KIF2A: variants seen among roughly 807,000 people sequenced by gnomAD.
The protein encoded by KIF2A is kinesin family member 2A.
A neutral mutation model predicts 100.2 loss-of-function variants in KIF2A; 22 were observed. That is an observed-to-expected ratio of 0.22 (90% CI 0.16 to 0.31). KIF2A has a LOEUF of 0.31. Ranked by LOEUF, KIF2A falls within the 10% of genes least tolerant of loss-of-function variation. The pLI is 1.00. For missense variants in KIF2A, 495 were observed against 898.7 expected (o/e 0.55, Z 5.74); for synonymous variants, 268 against 285.9 (o/e 0.94, Z 0.63).
intron 20 of KIF2A, among the ~76,000 whole-genome samples, chr5:62,382,436 G>T (rs1413923827): frequency 1.3e-5 from 2 of 152,022 alleles, no homozygotes; most frequent in East Asian, 3.9e-4. Flanking sequence ...GTGAGATCCT[G>T]TCTCAAAAAA....
Position 62,348,145 on chromosome 5 carries a change from C to A in KIF2A, c.257C>A (p.Ala86Asp). Residue 86 changes from alanine (A) to aspartate (D), a missense_variant, in exon 3 of 21, where the codon GCC becomes GAC. Ala to Asp is a moderately radical substitution (Grantham distance 126). This residue lies in a region of KIF2A where 115 missense variants were observed against 143.6 expected (regional missense o/e 0.80). Coordinates refer to ENST00000407818, the MANE Select transcript of KIF2A (RefSeq NM_001098511.3). ...ACACCTCCACCTCCAGCATCCTCAG[C>A]CAAAGTAAACAAAATTGTAAAGGTT... The part of the protein sequence containing the change: ...PETPPPPASS[A>D]KVNKIVKNRR... 1 of 1,613,616 alleles carries A rather than the reference C, an allele frequency of 6.2e-7. No homozygotes were observed. Among genetic ancestry groups the A allele is most frequent in the Non-Finnish European group, 8.5e-7 (1 of 1,179,752 alleles).
chr5:62,376,685 G>C (rs1741565477), intron 18 of KIF2A, among the ~76,000 whole-genome samples: 1 of 151,812 alleles, frequency 6.6e-6, no homozygotes, highest in Admixed American at 6.6e-5. Flanking sequence ...CCTCCCAGAG[G>C]GCTAGGATTA....
chr5:62,384,824 T>G (rs1741941978), intron 20 of KIF2A, among the ~76,000 whole-genome samples: 1 of 152,050 alleles, frequency 6.6e-6, no homozygotes, highest in Non-Finnish European at 1.5e-5. Flanking sequence ...CAAATATATT[T>G]TACATGTTCA....
intron 1 of KIF2A, chr5:62,308,182 A>G (rs550014211): frequency 5.1e-6 from 2 of 393,766 alleles, no homozygotes; most frequent in African/African-American, 2.0e-5. Flanking sequence ...TATACCGCTT[A>G]GAGCTTTAGA....
At chr5:62,327,460 G>C (rs758148314) in intron 1 of KIF2A, among the ~76,000 whole-genome samples, 80 of 152,210 alleles carry the variant, frequency 5.3e-4, no homozygotes, top group Non-Finnish European at 9.6e-4. Flanking sequence ...TATCACCTCT[G>C]CTGAGAATGC....
Position 62,386,819 on chromosome 5 carries a change from T to C in KIF2A, c.*1250T>C, listed in dbSNP as rs1237260060. On this transcript the variant is annotated 3_prime_UTR_variant, in exon 21 of 21. Coordinates refer to ENST00000407818, the MANE Select transcript of KIF2A (RefSeq NM_001098511.3). The stretch of plus-strand genomic sequence containing the variant: ...AAACAGCAGCACTTATTTTTACAGA[T>C]TGCTACTCCAAGGAAGAAAACTGGC... 6.6e-6 allele frequency among the ~76,000 whole-genome samples: 1 copy of C among 152,196 alleles called. No individual in the cohort carries two copies. The highest frequency in any genetic ancestry group is 2.4e-5 in the African/African-American group (1 of 41,456).
chr5:62,376,827 A>G (rs1213128803), intron 18 of KIF2A, among the ~76,000 whole-genome samples: 3 of 152,072 alleles, frequency 2.0e-5, no homozygotes, highest in Non-Finnish European at 4.4e-5. Context: ...GAAAATATGA[A>G]TATATTGTAT....
intron 6 of KIF2A, among the ~76,000 whole-genome samples, chr5:62,354,318 G>C (rs761061258): frequency 3.5e-4 from 53 of 152,050 alleles, no homozygotes; most frequent in Non-Finnish European, 1.3e-4. Context: ...TTCACAGTCT[G>C]CTTCTCAGTT....
intron 1 of KIF2A, among the ~76,000 whole-genome samples, chr5:62,310,213 C>T (rs760500252): frequency 3.3e-5 from 5 of 151,786 alleles, no homozygotes; most frequent in Non-Finnish European, 7.4e-5. Flanking sequence ...GCCACCATGC[C>T]CGGCTAATTT....
chr5:62,372,611 G>C lies in KIF2A; in HGVS notation c.1760+60G>C, dbSNP rs950397281. 11 of 944,310 alleles carry C rather than the reference G, an allele frequency of 1.2e-5. No homozygotes were observed. The African/African-American group carries it at 1.7e-4, about 14-fold the overall frequency. The allele number at this position is 944,310 out of a possible 1,614,324, so 58.5% of individuals were successfully genotyped here. On this transcript the variant is annotated intron_variant, in intron 17 of 20. Coordinates refer to ENST00000407818, the MANE Select transcript of KIF2A (RefSeq NM_001098511.3). ...TATACTTTCTTTTGAATTGTGCTTT[G>C]TATAAACATTTCATTTGCTATTTTT...
At chr5:62,380,488 A>G (rs1471731064) in intron 19 of KIF2A, among the ~76,000 whole-genome samples, 1 of 152,128 alleles carries the variant, frequency 6.6e-6, no homozygotes, top group Non-Finnish European at 1.5e-5. Context: ...TTGAGGACAT[A>G]CAGTTGACCC....
chr5:62,366,896 G>A (rs1741098406), intron 16 of KIF2A, among the ~76,000 whole-genome samples: 1 of 151,542 alleles, frequency 6.6e-6, no homozygotes. Context: ...CAATTTTCAA[G>A]AAAAAAATGT....
intron 1 of KIF2A, among the ~76,000 whole-genome samples, chr5:62,333,860 T>C (rs544965729): frequency 6.6e-6 from 1 of 152,226 alleles, no homozygotes; most frequent in East Asian, 1.9e-4. Flanking sequence ...AGGATACTTA[T>C]TCAGGCCCCA....
intron 1 of KIF2A, among the ~76,000 whole-genome samples, chr5:62,339,565 C>T (rs1747172992): frequency 9.0e-6 from 1 of 111,156 alleles, no homozygotes; most frequent in Non-Finnish European, 2.0e-5. Flanking sequence ...GAAATTATTG[C>T]ACATTTGTAC....
At chr5:62,316,670 G>A (rs550669874) in intron 1 of KIF2A, among the ~76,000 whole-genome samples, 2 of 152,148 alleles carry the variant, frequency 1.3e-5, no homozygotes, top group South Asian at 4.1e-4. Context: ...GGTGATAATG[G>A]TGTGTCAAGA....
intron 16 of KIF2A, among the ~76,000 whole-genome samples, chr5:62,369,489 G>GATTCAGTTACCTCCACC (rs1741223596): frequency 6.6e-6 from 1 of 151,974 alleles, no homozygotes; most frequent in South Asian, 2.1e-4. Context: ...TTACCTCCAC[G>GATTCAGTTACCTCCACC]TGGTCTCTCC....
chr5:62,326,144 C>G (rs1454275177), intron 1 of KIF2A, among the ~76,000 whole-genome samples: 1 of 152,170 alleles, frequency 6.6e-6, no homozygotes, highest in African/African-American at 2.4e-5. Flanking sequence ...AAAAATGCCT[C>G]TGCAGACCAA....
At chr5:62,314,780 T>TA (rs1561246163) in intron 1 of KIF2A, among the ~76,000 whole-genome samples, 2 of 144,222 alleles carry the variant, frequency 1.4e-5, no homozygotes, top group African/African-American at 5.3e-5. Flanking sequence ...TTTTTTTTTT[T>TA]AAGATGGAGT....
intron 17 of KIF2A, among the ~76,000 whole-genome samples, chr5:62,373,454 A>G (rs1394292880): frequency 6.6e-6 from 1 of 152,058 alleles, no homozygotes; most frequent in Non-Finnish European, 1.5e-5. Context: ...AATTTACACA[A>G]TAATTATATT....
Sources: allele counts gnomAD v4.1 joint callset (sites outside exome capture counted in the v4.1 genomes callset), GRCh38; gene constraint gnomAD v4.1.1; regional missense constraint gnomAD v4.1.1; transcripts MANE v1.5; gene names NCBI Gene and HGNC (gene_info 2026-07-23, HGNC 2026-07-21).